The following AKAP9 variants were observed in gnomAD, a reference collection of about 807,000 sequenced individuals.
AKAP9 encodes the protein A-kinase anchor protein 9.
AKAP9 carries 311 observed loss-of-function variants against 488.5 expected under a neutral mutation model. The ratio of observed to expected loss-of-function variants is 0.64; its 90% CI spans 0.58 to 0.70. The LOEUF is 0.70. Ranked by LOEUF, AKAP9 falls within the 30% of genes least tolerant of loss-of-function variation. AKAP9 has a pLI of 0.00. For synonymous variants in AKAP9, 1,462 were observed against 1,483.5 expected (o/e 0.99, Z 0.33); for missense variants, 4,215 against 4,374.5 (o/e 0.96, Z 1.03).
intron 49 of AKAP9, 41 bp downstream of exon 49, chr7:92,108,674 G>A (rs1052557411): frequency 1.9e-5 from 30 of 1,612,384 alleles, no homozygotes; most frequent in Admixed American, 5.0e-5. Flanking sequence ...ACCACAGTGC[G>A]AGACCCACAG....
intron 17 of AKAP9, 29 bp downstream of exon 17, chr7:92,038,801 C>T (rs752092195): frequency 1.3e-6 from 2 of 1,483,180 alleles, no homozygotes; most frequent in Admixed American, 1.8e-5. Context: ...ATATAAAAAA[C>T]TTATTTAAAA....
At chr7:92,101,454 G>A (rs985998078) in intron 45 of AKAP9, among the ~76,000 whole-genome samples, 7 of 149,026 alleles carry the variant, frequency 4.7e-5, no homozygotes, top group African/African-American at 1.7e-4. Context: ...AAAAAAAAAT[G>A]TAGATAGTAT....
intron 9 of AKAP9, among the ~76,000 whole-genome samples, chr7:92,013,878 TA>T (rs758965127): frequency 1.0e-4 from 15 of 147,756 alleles, no homozygotes; most frequent in African/African-American, 1.5e-4. Flanking sequence ...TCAACATTTT[TA>T]AAAAAAAAAA....
intron 8 of AKAP9, among the ~76,000 whole-genome samples, chr7:92,004,847 A>G (rs1270676099): frequency 3.9e-5 from 6 of 152,286 alleles, no homozygotes; most frequent in African/African-American, 1.2e-4. Context: ...AGAACTTCCA[A>G]CACTATGTTG....
intron 14 of AKAP9, among the ~76,000 whole-genome samples, chr7:92,027,174 C>CTT (rs1803362205): frequency 7.7e-5 from 11 of 142,608 alleles, no homozygotes; most frequent in South Asian, 2.3e-4. Context: ...CCCAGCTGCC[C>CTT]CGTCTGGGAA....
chr7:91,968,254 C>CT (rs1167334355), intron 1 of AKAP9, among the ~76,000 whole-genome samples: 3 of 152,140 alleles, frequency 2.0e-5, no homozygotes, highest in Admixed American at 2.0e-4. Flanking sequence ...TGATGAGAGA[C>CT]TTTTTATTAA....
chr7:91,964,956 T>C (rs1178997602), intron 1 of AKAP9, among the ~76,000 whole-genome samples: 2 of 152,086 alleles, frequency 1.3e-5, no homozygotes, highest in East Asian at 1.9e-4. Context: ...GATAATTTAA[T>C]GCACTCATAT....
chr7:91,965,628 G>T (rs1371366115), intron 1 of AKAP9, among the ~76,000 whole-genome samples: 1 of 152,146 alleles, frequency 6.6e-6, no homozygotes, highest in Admixed American at 6.6e-5. Context: ...CATAGTGTGT[G>T]CTGATTTACA....
intron 22 of AKAP9, 66 bp downstream of exon 22, chr7:92,053,024 C>T (rs1808251178): frequency 7.5e-7 from 1 of 1,340,634 alleles, no homozygotes; most frequent in African/African-American, 1.5e-5. Context: ...ACTCTCTCGA[C>T]TGAGCTAATT....
At chr7:91,961,531 T>G (rs1793728789) in intron 1 of AKAP9, among the ~76,000 whole-genome samples, 1 of 152,024 alleles carries the variant, frequency 6.6e-6, no homozygotes, top group Non-Finnish European at 1.5e-5. Flanking sequence ...TTATTCAGAA[T>G]GATCATTTGT....
intron 8 of AKAP9, among the ~76,000 whole-genome samples, chr7:92,003,701 T>C (rs1562964465): frequency 6.6e-6 from 1 of 152,068 alleles, no homozygotes; most frequent in Non-Finnish European, 1.5e-5. Context: ...AAATTATATT[T>C]TCCTGGGAGA....
chr7:92,033,818 C>A (rs984106815), intron 16 of AKAP9, among the ~76,000 whole-genome samples: 1 of 152,152 alleles, frequency 6.6e-6, no homozygotes, highest in Non-Finnish European at 1.5e-5. Flanking sequence ...ATATTAGAGT[C>A]CTCCTGTGAT....
At chr7:91,962,133 TA>T (rs1793807409) in intron 1 of AKAP9, among the ~76,000 whole-genome samples, 1 of 152,212 alleles carries the variant, frequency 6.6e-6, no homozygotes, top group Non-Finnish European at 1.5e-5. Flanking sequence ...CATTTCAGTA[TA>T]AGATGATTAC....
chr7:91,984,646 G>A (rs747019594), intron 3 of AKAP9, among the ~76,000 whole-genome samples: 11 of 151,998 alleles, frequency 7.2e-5, no homozygotes, highest in South Asian at 2.1e-4. Context: ...CTTTAAAGTC[G>A]TTTTTTTCCA....
Position 92,002,745 on chromosome 7 carries a change from A to C in AKAP9, c.2828A>C (p.Glu943Ala), listed in dbSNP as rs747620319. ...VVEKDTTELM[E>A]KLEVTKREKL... Reference sequence around the variant, plus strand: ...GAAAAGGATACAACAGAACTCATGGAAAAACTTGAGGTAACCAAGCGAGAG... The same window carrying C: ...GAAAAGGATACAACAGAACTCATGGCAAAACTTGAGGTAACCAAGCGAGAG... The change falls in exon 8 of 50, where the codon GAA becomes GCA. Residue 943 changes from glutamate to alanine, a missense_variant. By Grantham distance (107) the Glu-to-Ala change is moderately radical. Around this residue, in one of 5 missense-constraint regions of AKAP9, gnomAD observed 2,361 missense variants for 2,430.0 expected, o/e 0.97. Coordinates refer to ENST00000356239, the MANE Select transcript of AKAP9 (RefSeq NM_005751.5). The C allele has an allele frequency of 6.2e-7, 1 of 1,613,692 alleles. No individual in the cohort carries two copies. The highest frequency in any genetic ancestry group is 8.5e-7 in the Non-Finnish European group (1 of 1,179,724).
chr7:92,002,023 A>G lies in AKAP9; in HGVS notation c.2106A>G (p.Leu702=), dbSNP rs1355294791. 4 of 1,610,706 alleles carry G rather than the reference A, an allele frequency of 2.5e-6. No homozygotes were observed. The highest frequency in any genetic ancestry group is 4.5e-5 in the East Asian group (2 of 44,758). Residue 702 remains leucine, a synonymous_variant, in exon 8 of 50, where the codon CTA becomes CTG. Coordinates refer to ENST00000356239, the MANE Select transcript of AKAP9 (RefSeq NM_005751.5). ...AATTAATTTTGGAAATTTCAAAGCT[A>G]AAAGATTTACAGCAGTCTCTTGTAA... ...QNQLILEISK[L]KDLQQSLVNS...
intron 1 of AKAP9, among the ~76,000 whole-genome samples, chr7:91,961,869 G>C (rs1793774127): frequency 6.6e-6 from 1 of 152,060 alleles, no homozygotes. Flanking sequence ...TGAGTTTAAG[G>C]AATAAGTTAT....
At chr7:91,983,891 A>G (rs999543752) in intron 3 of AKAP9, among the ~76,000 whole-genome samples, 2 of 152,174 alleles carry the variant, frequency 1.3e-5, no homozygotes, top group Non-Finnish European at 2.9e-5. Context: ...ATGACCAGTG[A>G]TGATGAGCAT....
chr7:92,036,972 G>A (rs1452610657), intron 16 of AKAP9, among the ~76,000 whole-genome samples: 2 of 152,256 alleles, frequency 1.3e-5, no homozygotes, highest in East Asian at 1.9e-4. Flanking sequence ...ATGGTACCAG[G>A]ATTATCTGGG....
Sources: gnomAD v4.1 joint callset for allele counts (sites outside exome capture counted in the v4.1 genomes callset) on GRCh38, gnomAD v4.1.1 for gene constraint, gnomAD v4.1.1 regional missense constraint, MANE v1.5 for transcripts, NCBI Gene and HGNC (gene_info 2026-07-23, HGNC 2026-07-21) for gene names.